SUPT16H: variants seen among roughly 807,000 people sequenced by gnomAD.
SUPT16H encodes the protein SPT16 homolog, facilitates chromatin remodeling subunit.
SUPT16H carries 24 observed loss-of-function variants against 136.2 expected under a neutral mutation model. The ratio of observed to expected loss-of-function variants is 0.18; its 90% CI spans 0.13 to 0.25. The LOEUF (loss-of-function observed/expected upper bound fraction) is 0.25, where lower values mean the gene tolerates loss of function less well. Ranked by LOEUF, SUPT16H falls within the 10% of genes least tolerant of loss-of-function variation. The pLI is 1.00. For missense variants in SUPT16H, 623 were observed against 1,270.2 expected (o/e 0.49, Z 7.74); for synonymous variants, 415 against 428.2 (o/e 0.97, Z 0.38).
chr14:21,382,707 T>A (rs1887057680), intron 1 of SUPT16H, among the ~76,000 whole-genome samples: 1 of 152,206 alleles, frequency 6.6e-6, no homozygotes, highest in African/African-American at 2.4e-5. Context: ...AATCATTTGG[T>A]AGAAATTAAT....
At chr14:21,355,384 T>C (rs1177804657) in intron 22 of SUPT16H, among the ~76,000 whole-genome samples, 5 of 151,746 alleles carry the variant, frequency 3.3e-5, no homozygotes, top group Admixed American at 2.0e-4. Context: ...TCCCAGCTAC[T>C]TGGGAGGCTG....
In SUPT16H at chr14:21,353,687, G is replaced by A; in HGVS notation, c.2920+16C>T. The A allele has an allele frequency of 1.2e-6, 2 of 1,608,958 alleles. No individual in the cohort carries two copies. Among genetic ancestry groups the A allele is most frequent in the Non-Finnish European group, 1.7e-6 (2 of 1,178,074 alleles). On this transcript the variant is annotated intron_variant, in intron 24 of 25. Coordinates refer to ENST00000216297, the MANE Select transcript of SUPT16H (RefSeq NM_007192.4). ...AGATTAGGAAGCCAGGACGAACTTTGCTCTGTAAGACTAACCTGACTCTTC... is the reference window on the plus strand; with the variant it reads ...AGATTAGGAAGCCAGGACGAACTTTACTCTGTAAGACTAACCTGACTCTTC...
chr14:21,365,589 C>A (rs760898948), intron 8 of SUPT16H, among the ~76,000 whole-genome samples: 18 of 152,162 alleles, frequency 1.2e-4, no homozygotes, highest in Non-Finnish European at 1.9e-4. Flanking sequence ...AGTCTAGAAA[C>A]TATATACCAT....
chr14:21,368,004 A>G (rs1886707715), intron 7 of SUPT16H, among the ~76,000 whole-genome samples: 1 of 152,194 alleles, frequency 6.6e-6, no homozygotes, highest in Admixed American at 6.5e-5. Context: ...AGCCTTGACC[A>G]TTCAGGCTCA....
At chr14:21,372,948 A>G (rs1183124729) in intron 2 of SUPT16H, among the ~76,000 whole-genome samples, 1 of 152,032 alleles carries the variant, frequency 6.6e-6, no homozygotes, top group African/African-American at 2.4e-5. Context: ...AGAAATTGAA[A>G]TTTTTTAAAG....
At position 21,382,304 on chromosome 14, in the gene SUPT16H, G is replaced by T. The variant is rs571271800; in HGVS notation, c.66+1558C>A. On this transcript the variant is annotated intron_variant, in intron 1 of 25. Coordinates refer to ENST00000216297, the MANE Select transcript of SUPT16H (RefSeq NM_007192.4). ...CATTCTCCCAAGATGATGTCATTAA[G>T]GTAGTAAGAGGGCCAAGATAAACTT... Among the ~76,000 whole-genome samples the T allele has an allele frequency of 2.6e-5, 4 of 152,238 alleles. No individual in the cohort carries two copies. In the East Asian group the frequency reaches 7.7e-4, roughly 29 times the overall value.
intron 2 of SUPT16H, 134 bp from the exon 3 acceptor site, chr14:21,372,178 C>G: frequency 1.0e-6 from 1 of 998,680 alleles, no homozygotes; most frequent in African/African-American, 1.6e-5. Context: ...GCTGGGGAGT[C>G]TGGAGTGGAT....
chr14:21,363,382 T>C, intron 11 of SUPT16H, 54 bp from the exon 12 acceptor site: 1 of 1,606,252 alleles, frequency 6.2e-7, no homozygotes, highest in Non-Finnish European at 8.5e-7. Flanking sequence ...TAGCCAATAT[T>C]ATTTAACTTC....
At chr14:21,372,730 A>C (rs773026049) in intron 2 of SUPT16H, 2 of 432,148 alleles carry the variant, frequency 4.6e-6, no homozygotes, top group Non-Finnish European at 9.0e-6. Flanking sequence ...ATACATAAGG[A>C]AAAGAATATT....
At chr14:21,361,442 A>G in intron 15 of SUPT16H, 1 of 551,740 alleles carries the variant, frequency 1.8e-6, no homozygotes, top group Admixed American at 3.0e-5. Context: ...TCAGCCTTCC[A>G]AGTACCTGGG....
chr14:21,377,767 G>T (rs1439049300), intron 1 of SUPT16H, among the ~76,000 whole-genome samples: 1 of 152,136 alleles, frequency 6.6e-6, no homozygotes, highest in Non-Finnish European at 1.5e-5. Flanking sequence ...GGCATTACAG[G>T]AATGTGGCAC....
chr14:21,369,676 C>T, intron 5 of SUPT16H, 74 bp downstream of exon 5: 1 of 1,572,430 alleles, frequency 6.4e-7, no homozygotes, highest in Non-Finnish European at 8.7e-7. Context: ...CTGAAGAACA[C>T]ACCAACAGAT....
At chr14:21,383,492 G>C in intron 1 of SUPT16H, 1 of 591,332 alleles carries the variant, frequency 1.7e-6, no homozygotes. Flanking sequence ...GGAATATTGT[G>C]GTTCTGGAGG....
chr14:21,374,674 G>A (rs1886862872), intron 1 of SUPT16H, among the ~76,000 whole-genome samples: 1 of 152,052 alleles, frequency 6.6e-6, no homozygotes, highest in South Asian at 2.1e-4. Context: ...CCCTTTTACT[G>A]CTGAATATTT....
intron 22 of SUPT16H, among the ~76,000 whole-genome samples, chr14:21,356,588 A>G (rs920173999): frequency 2.0e-5 from 3 of 152,214 alleles, no homozygotes; most frequent in Non-Finnish European, 2.9e-5. Context: ...TAGTAAAAAA[A>G]AATTAGCTGG....
At chr14:21,376,882 C>T (rs1432171980) in intron 1 of SUPT16H, among the ~76,000 whole-genome samples, 1 of 152,010 alleles carries the variant, frequency 6.6e-6, no homozygotes, top group African/African-American at 2.4e-5. Flanking sequence ...CACTTGAATA[C>T]ATATTTCAGT....
chr14:21,359,013 GC>G (rs890548797), intron 19 of SUPT16H, among the ~76,000 whole-genome samples: 4 of 152,224 alleles, frequency 2.6e-5, no homozygotes, highest in African/African-American at 9.6e-5. Context: ...CACTGTGTTA[GC>G]CAGGATGGTC....
intron 1 of SUPT16H, among the ~76,000 whole-genome samples, chr14:21,379,638 A>G (rs1886977749): frequency 6.6e-6 from 1 of 151,962 alleles, no homozygotes; most frequent in Non-Finnish European, 1.5e-5. Flanking sequence ...GGATCGCTTG[A>G]GCCCATGAGT....
At chr14:21,365,200 G>T in intron 8 of SUPT16H, 57 bp from the exon 9 acceptor site, 1 of 1,468,756 alleles carries the variant, frequency 6.8e-7, no homozygotes, top group Non-Finnish European at 9.4e-7. Context: ...CATGGATCAA[G>T]CATAACATAT....
Sources: allele counts gnomAD v4.1 joint callset (sites outside exome capture counted in the v4.1 genomes callset), GRCh38; gene constraint gnomAD v4.1.1; transcripts MANE v1.5; gene names NCBI Gene and HGNC (gene_info 2026-07-23, HGNC 2026-07-21).